Variants in SOX5 observed in about 807,000 individuals in gnomAD.
SOX5 encodes transcription factor SOX-5.
Under a neutral mutation model 92.0 loss-of-function variants are expected in SOX5, and 9 were observed. The observed-to-expected ratio is 0.10, with a 90% CI of 0.06 to 0.17. The LOEUF is 0.17. SOX5 is among the 10% of genes least tolerant of loss of function. The pLI, the probability that SOX5 is intolerant of heterozygous loss-of-function variation, is 1.00. For missense variants in SOX5, 642 were observed against 944.5 expected, an observed-to-expected ratio of 0.68 and a Z score of 4.20; for synonymous variants, 344 against 336.3, an observed-to-expected ratio of 1.02 and a Z score of -0.25.
chr12:24,230,999 C>T (rs570172132), intron 3 of SOX5, among the ~76,000 whole-genome samples: 6 of 152,230 alleles, frequency 3.9e-5, no homozygotes, highest in East Asian at 1.9e-4. Flanking sequence ...TTGCATTCCC[C>T]GTTTTTGAAG....
At chr12:23,943,828 T>C (rs1486302351) in intron 1 of SOX5, among the ~76,000 whole-genome samples, 1 of 152,124 alleles carries the variant, frequency 6.6e-6, no homozygotes, top group African/African-American at 2.4e-5. Context: ...TCATGTTTTA[T>C]GGGCAAAAAC....
chr12:23,622,361 T>C (rs1308791445), intron 8 of SOX5, among the ~76,000 whole-genome samples: 1 of 152,142 alleles, frequency 6.6e-6, no homozygotes, highest in South Asian at 2.1e-4. Flanking sequence ...CAGTTCATAT[T>C]CCAATGAGTG....
Position 24,426,308 on chromosome 12 carries a change from C to T in SOX5, c.-250-57669G>A, listed in dbSNP as rs1478165619. 1.4e-4 allele frequency among the ~76,000 whole-genome samples: 7 copies of T among 48,726 alleles called. No homozygotes were observed. The East Asian group carries it at 2.4e-3, about 17-fold the overall frequency. The allele number at this position is 48,726 out of a possible 152,430, so 32.0% of individuals were successfully genotyped here. ...GGGAACATCACACATTGGGGCCTGT[C>T]GGGGGGTGGGGACCTGGGGGAGGGA... On this transcript the variant is annotated intron_variant, in intron 1 of 4. Transcript: ENST00000446891.
At chr12:24,163,505 CT>C (rs34073608) in intron 4 of SOX5, among the ~76,000 whole-genome samples, 8,376 of 141,620 alleles carry the variant, frequency 0.059, 216 homozygotes, top group Middle Eastern at 0.096. Context: ...TTTTTAATTC[CT>C]TTTTTTTTTT....
chr12:23,990,932 CT>C (rs1569424982), intron 4 of SOX5, among the ~76,000 whole-genome samples: 1 of 151,692 alleles, frequency 6.6e-6, no homozygotes, highest in South Asian at 2.1e-4. Flanking sequence ...ACATTTTTGA[CT>C]TTTTTTTCTA....
intron 2 of SOX5, among the ~76,000 whole-genome samples, chr12:24,316,707 G>A (rs1413503522): frequency 1.3e-5 from 2 of 152,162 alleles, no homozygotes; most frequent in East Asian, 1.9e-4. Context: ...GTTTCAAAAT[G>A]TATTTAGAGA....
intron 1 of SOX5, among the ~76,000 whole-genome samples, chr12:24,437,966 T>C (rs938992980): frequency 5.9e-5 from 9 of 152,184 alleles, no homozygotes; most frequent in African/African-American, 2.2e-4. Context: ...CATTCTACTA[T>C]AAAGACACAT....
intron 7 of SOX5, among the ~76,000 whole-genome samples, chr12:23,641,521 C>T (rs186085725): frequency 3.9e-5 from 6 of 152,108 alleles, no homozygotes; most frequent in Admixed American, 1.3e-4. Flanking sequence ...CCCTTCCCCC[C>T]GACATTTTTT....
intron 3 of SOX5, among the ~76,000 whole-genome samples, chr12:23,756,702 G>A (rs1459789161): frequency 2.6e-5 from 4 of 151,888 alleles, no homozygotes; most frequent in African/African-American, 7.2e-5. Context: ...TTATTATATA[G>A]ATCAAGGACA....
At chr12:23,629,733 A>C (rs1372662144) in intron 8 of SOX5, among the ~76,000 whole-genome samples, 1 of 151,950 alleles carries the variant, frequency 6.6e-6, no homozygotes, top group Admixed American at 6.6e-5. Flanking sequence ...TTCAAACTCT[A>C]TTCCACTTTC....
At chr12:23,581,627 A>C (rs1235560691) in intron 9 of SOX5, among the ~76,000 whole-genome samples, 1 of 152,128 alleles carries the variant, frequency 6.6e-6, no homozygotes, top group Non-Finnish European at 1.5e-5. Flanking sequence ...TATTTCAGCT[A>C]TTTATTAATG....
chr12:23,914,905 C>T (rs1295635117), intron 1 of SOX5, among the ~76,000 whole-genome samples: 3 of 152,088 alleles, frequency 2.0e-5, no homozygotes, highest in Non-Finnish European at 4.4e-5. Flanking sequence ...AGTGAGTTTA[C>T]TATTGGATTG....
chr12:24,024,366 A>C (rs891007007), intron 4 of SOX5, among the ~76,000 whole-genome samples: 3 of 152,046 alleles, frequency 2.0e-5, no homozygotes, highest in Non-Finnish European at 2.9e-5. Context: ...ATATTAAGAC[A>C]ATGAAAGCAT....
At chr12:24,181,612 T>C (rs920120502) in intron 4 of SOX5, among the ~76,000 whole-genome samples, 9 of 152,172 alleles carry the variant, frequency 5.9e-5, no homozygotes, top group East Asian at 1.9e-4. Flanking sequence ...GTTGTGACAA[T>C]TGAATGATTT....
chr12:23,821,191 G>A (rs1220779690), intron 3 of SOX5, among the ~76,000 whole-genome samples: 3 of 152,280 alleles, frequency 2.0e-5, no homozygotes, highest in African/African-American at 7.2e-5. Flanking sequence ...TAGCAATTGT[G>A]AATGGGAGTT....
At chr12:24,346,453 CT>C (rs35587389) in intron 2 of SOX5, among the ~76,000 whole-genome samples, 20,669 of 140,688 alleles carry the variant, frequency 0.15, 1,405 homozygotes, top group Non-Finnish European at 0.19. Context: ...TTTTGGAGTA[CT>C]TTTTTTTTTT....
intron 4 of SOX5, among the ~76,000 whole-genome samples, chr12:24,014,649 T>C (rs961270174): frequency 6.6e-6 from 1 of 152,158 alleles, no homozygotes; most frequent in Admixed American, 6.6e-5. Flanking sequence ...ACCTTAAACA[T>C]TGTGTGTTAC....
chr12:24,406,116 C>T (rs1388172846), intron 1 of SOX5, among the ~76,000 whole-genome samples: 2 of 152,126 alleles, frequency 1.3e-5, no homozygotes, highest in African/African-American at 4.8e-5. Context: ...CGCAGCCTCT[C>T]CCGCCCATGA....
chr12:24,423,475 C>T (rs149068325), intron 1 of SOX5, among the ~76,000 whole-genome samples: 65 of 152,278 alleles, frequency 4.3e-4, no homozygotes, highest in African/African-American at 1.4e-3. Flanking sequence ...GGCTCAAAGA[C>T]GGGTTTTCAT....
Sources: allele counts gnomAD v4.1 joint callset (sites outside exome capture counted in the v4.1 genomes callset), GRCh38; gene constraint gnomAD v4.1.1; transcripts MANE v1.5; gene names NCBI Gene and HGNC (gene_info 2026-07-23, HGNC 2026-07-21).